The following LIMCH1 variants were observed in gnomAD, a reference collection of about 807,000 sequenced individuals.
LIMCH1 encodes the protein LIM and calponin homology domains-containing protein 1.
A neutral mutation model predicts 176.5 loss-of-function variants in LIMCH1; 113 were observed. The observed-to-expected ratio is 0.64, with a 90% confidence interval of 0.55 to 0.75. The LOEUF is 0.75. LIMCH1 is among the 30% of genes least tolerant of loss of function. LIMCH1 has a pLI of 0.00. For synonymous variants in LIMCH1, 619 were observed against 645.9 expected, an observed-to-expected ratio of 0.96 and a Z score of 0.63; for missense variants, 1,674 against 1,814.9, an observed-to-expected ratio of 0.92 and a Z score of 1.41.
At chr4:41,607,836 A>G (rs2090929440) in intron 4 of LIMCH1, among the ~76,000 whole-genome samples, 1 of 152,140 alleles carries the variant, frequency 6.6e-6, no homozygotes, top group Admixed American at 6.5e-5. Flanking sequence ...TGGATACATG[A>G]CTCTTAGCAA....
chr4:41,432,941 G>A (rs1168466365), intron 1 of LIMCH1, among the ~76,000 whole-genome samples: 1 of 152,182 alleles, frequency 6.6e-6, no homozygotes, highest in Non-Finnish European at 1.5e-5. Flanking sequence ...ATCTCTCAAA[G>A]GGTTAATACC....
intron 24 of LIMCH1, 29 bp from the exon 25 acceptor site, chr4:41,680,926 C>A: frequency 8.1e-7 from 1 of 1,237,826 alleles, no homozygotes. Flanking sequence ...ATTTTCCCCC[C>A]TTTCATCGAT....
intron 2 of LIMCH1, among the ~76,000 whole-genome samples, chr4:41,517,997 T>G (rs1399558440): frequency 2.0e-5 from 3 of 152,164 alleles, no homozygotes; most frequent in African/African-American, 7.2e-5. Flanking sequence ...ATGTAATCTC[T>G]TGTTGCAAAG....
In LIMCH1 at chr4:41,663,852, T is replaced by TAAA. The variant is rs34659309; in HGVS notation, c.3291+887_3291+889dup. Among the ~76,000 whole-genome samples, 18 of 82,756 alleles carry TAAA rather than the reference T, an allele frequency of 2.2e-4. 1 individual carries two copies. The highest frequency in any genetic ancestry group is 7.9e-4 in the African/African-American group (15 of 18,946). The allele number at this position is 82,756 out of a possible 152,430, so 54.3% of individuals were successfully genotyped here. On this transcript the variant is annotated intron_variant, in intron 20 of 31. Transcript: ENST00000503057. ...GGGCAACCCAGAAAGTCTTCATCTC[T>TAAA]AAAAAAAAAAAAAAAAAAAAATAGT...
At position 41,360,889 on chromosome 4, in the gene LIMCH1, G is replaced by A; in HGVS notation, c.49G>A (p.Glu17Lys). Residue 17 changes from glutamate to lysine, a missense_variant, in exon 1 of 27, where the codon GAG becomes AAG. Glu to Lys is a moderately conservative substitution (Grantham distance 56, BLOSUM62 1). Coordinates refer to the LIMCH1 transcript ENST00000313860. The surrounding 1 kb of genome is among the most constrained non-coding windows in gnomAD (Gnocchi z 4.5). ...GGAAGCTCTTCAGCCCCTGCAGCCCGAGCCGCCCCCCGAGCCCGCCTTCTC... is the reference window on the plus strand; with the variant it reads ...GGAAGCTCTTCAGCCCCTGCAGCCCAAGCCGCCCCCCGAGCCCGCCTTCTC... 2 of 1,587,618 alleles carry A rather than the reference G, an allele frequency of 1.3e-6. No individual in the cohort carries two copies. Among genetic ancestry groups the A allele is most frequent in the Non-Finnish European group, 1.7e-6 (2 of 1,170,380 alleles).
intron 21 of LIMCH1, among the ~76,000 whole-genome samples, chr4:41,667,361 C>A (rs2094862540): frequency 6.6e-6 from 1 of 151,858 alleles, no homozygotes; most frequent in South Asian, 2.1e-4. Context: ...ACATTTTAAT[C>A]TTTATGTGTG....
intron 13 of LIMCH1, among the ~76,000 whole-genome samples, chr4:41,635,400 G>A (rs929132144): frequency 3.9e-5 from 6 of 152,112 alleles, no homozygotes; most frequent in Non-Finnish European, 7.3e-5. Context: ...GCTAATTTTT[G>A]TATTTTTAGT....
Position 41,479,679 on chromosome 4 carries a change from T to G in LIMCH1, c.97-14857T>G, listed in dbSNP as rs114115064. Among the ~76,000 whole-genome samples the G allele has an allele frequency of 1.8e-3, 281 of 152,254 alleles. 3 individuals are homozygous for G. Among genetic ancestry groups the G allele is most frequent in the African/African-American group, 6.6e-3 (272 of 41,520 alleles). ...TTTAAACTAGGATCTCATTAAGGAG[T>G]ATACATTGCAATTGGTCATTATGTC... is the stretch of plus-strand genomic sequence containing the variant. On this transcript the variant is annotated intron_variant, in intron 1 of 26. Coordinates refer to the LIMCH1 transcript ENST00000313860.
chr4:41,416,107 G>A (rs548484090), intron 1 of LIMCH1, among the ~76,000 whole-genome samples: 6 of 152,276 alleles, frequency 3.9e-5, no homozygotes, highest in South Asian at 2.1e-4. Context: ...TGTGACCAGC[G>A]TCAAGGTGTG....
At chr4:41,500,836 G>A (rs2073135444) in intron 2 of LIMCH1, among the ~76,000 whole-genome samples, 1 of 152,298 alleles carries the variant, frequency 6.6e-6, no homozygotes, top group South Asian at 2.1e-4. Flanking sequence ...TACAAGTGAG[G>A]GCATGAGAGA....
intron 2 of LIMCH1, among the ~76,000 whole-genome samples, chr4:41,512,217 C>G (rs1305695034): frequency 6.6e-6 from 1 of 152,138 alleles, no homozygotes; most frequent in African/African-American, 2.4e-5. Context: ...CACTTCACAC[C>G]TACTAGGATG....
At chr4:41,563,389 T>G (rs2082309710) in intron 1 of LIMCH1, among the ~76,000 whole-genome samples, 1 of 152,196 alleles carries the variant, frequency 6.6e-6, no homozygotes, top group Admixed American at 6.5e-5. Flanking sequence ...CTTCCAGGGA[T>G]GTATCTGGAG....
At chr4:41,369,771 C>A (rs1038673268) in intron 1 of LIMCH1, among the ~76,000 whole-genome samples, 1 of 151,648 alleles carries the variant, frequency 6.6e-6, no homozygotes, top group African/African-American at 2.4e-5. Context: ...CACCCTGTTC[C>A]CTCCTTGTTT....
At chr4:41,470,795 C>T (rs1011509730) in intron 1 of LIMCH1, among the ~76,000 whole-genome samples, 3 of 152,026 alleles carry the variant, frequency 2.0e-5, no homozygotes, top group African/African-American at 4.8e-5. Context: ...TTGCACACTC[C>T]ATGCGTGATT....
chr4:41,479,199 G>A (rs2068179189), intron 1 of LIMCH1, among the ~76,000 whole-genome samples: 1 of 152,056 alleles, frequency 6.6e-6, no homozygotes, highest in Non-Finnish European at 1.5e-5. Context: ...ATTTATTTTA[G>A]TATGCATCTC....
chr4:41,372,782 A>C (rs188240058), intron 1 of LIMCH1, among the ~76,000 whole-genome samples: 1 of 152,298 alleles, frequency 6.6e-6, no homozygotes, highest in Admixed American at 6.5e-5. Context: ...CACTGTTTTC[A>C]TCCAGGAAAC....
chr4:41,437,486 T>C (rs1209467686), intron 1 of LIMCH1, among the ~76,000 whole-genome samples: 1 of 152,060 alleles, frequency 6.6e-6, no homozygotes, highest in Admixed American at 6.6e-5. Context: ...TTGTAACAGA[T>C]AGAAAGGAAA....
intron 1 of LIMCH1, among the ~76,000 whole-genome samples, chr4:41,578,877 T>A (rs2084934179): frequency 1.3e-5 from 2 of 151,906 alleles, no homozygotes; most frequent in Non-Finnish European, 1.5e-5. Context: ...AATTTTTAAA[T>A]TTTTTTATAG....
At chr4:41,402,658 G>C (rs2058569928) in intron 1 of LIMCH1, among the ~76,000 whole-genome samples, 1 of 143,166 alleles carries the variant, frequency 7.0e-6, no homozygotes, top group Non-Finnish European at 1.5e-5. Flanking sequence ...AAAAAATGAT[G>C]AGTTCATGTC....
Sources: gnomAD v4.1 joint callset for allele counts (sites outside exome capture counted in the v4.1 genomes callset) on GRCh38, gnomAD v4.1.1 for gene constraint, Gnocchi (gnomAD v3.1) non-coding constraint, MANE v1.5 for transcripts, NCBI Gene and HGNC (gene_info 2026-07-23, HGNC 2026-07-21) for gene names.